The following NGLY1 variants were observed in gnomAD, a reference collection of about 807,000 sequenced individuals.
The protein encoded by NGLY1 is N-glycanase 1.
In NGLY1, 68 loss-of-function variants were observed where a neutral mutation model predicts 84.6. The observed-to-expected ratio is 0.80, with a 90% CI of 0.66 to 0.98. The LOEUF (loss-of-function observed/expected upper bound fraction) is 0.98. NGLY1 is among the 50% of genes least tolerant of loss of function. The pLI is 0.00. For synonymous variants in NGLY1, 280 were observed against 275.2 expected (o/e 1.02, Z -0.17); for missense variants, 779 against 770.2 (o/e 1.01, Z -0.14).
Position 25,764,104 on chromosome 3 carries a change from G to C in NGLY1, c.454C>G (p.Arg152Gly). Residue 152 changes from arginine to glycine, a missense_variant, in exon 3 of 12, where the codon CGT (arginine) becomes GGT (glycine). Coordinates refer to ENST00000280700, the MANE Select transcript of NGLY1 (RefSeq NM_018297.4). ...PSGLNQHTRN[R>G]QGQSSDPPSA... ...GGTGGATCTGATGACTGCCCTTGAC[G>C]GTTCCTTGTGTGCTGGTTTAACCCA... 6.2e-7 allele frequency: 1 copy of C among 1,614,144 alleles called. No homozygotes were observed. The highest frequency in any genetic ancestry group is 8.5e-7 in the Non-Finnish European group (1 of 1,180,036).
chr3:25,723,800 T>C (rs1198236455), intron 10 of NGLY1, among the ~76,000 whole-genome samples: 1 of 152,216 alleles, frequency 6.6e-6, no homozygotes, highest in African/African-American at 2.4e-5. Flanking sequence ...GGTTTTGTAA[T>C]GTGTAGGTCT....
chr3:25,736,254 T>C (rs1705814968), intron 6 of NGLY1, 105 bp from the exon 7 acceptor site: 2 of 1,552,274 alleles, frequency 1.3e-6, no homozygotes, highest in East Asian at 2.4e-5. Flanking sequence ...TAATGCATAA[T>C]ATTCTGAATT....
upstream of NGLY1, among the ~76,000 whole-genome samples, chr3:25,786,820 A>G (rs1229267287): frequency 6.6e-6 from 1 of 152,254 alleles, no homozygotes; most frequent in Admixed American, 6.5e-5. Flanking sequence ...TTTTCGCAAA[A>G]GTCATTTGGT....
Position 25,719,470 on chromosome 3 carries a change from C to G in NGLY1, c.1955G>C (p.Ser652Thr). 1 of 1,613,342 alleles carries G rather than the reference C, an allele frequency of 6.2e-7. No individual in the cohort carries two copies. The highest frequency in any genetic ancestry group is 8.5e-7 in the Non-Finnish European group (1 of 1,179,482). The change falls in exon 12 of 12, where the codon AGT becomes ACT. Residue 652 changes from serine (S) to threonine (T), a missense_variant. By Grantham distance (58) the Ser-to-Thr change is moderately conservative (BLOSUM62 1). Coordinates refer to ENST00000280700, the MANE Select transcript of NGLY1 (RefSeq NM_018297.4). ...ENCLEIIIKF[S>T]DL is the part of the protein sequence containing the mutation. ...ATAATGTTCAGGTTCTCAAAGGTCACTGAATTTTATAATTATCTCCAAACA... is the reference window on the plus strand; with the variant it reads ...ATAATGTTCAGGTTCTCAAAGGTCAGTGAATTTTATAATTATCTCCAAACA...
In NGLY1 at chr3:25,783,095, C is replaced by T; in HGVS notation, c.131+165G>A. 1.6e-6 allele frequency: 1 copy of T among 620,102 alleles called. No homozygotes were observed. Among genetic ancestry groups the T allele is most frequent in the Non-Finnish European group, 2.7e-6 (1 of 369,306 alleles). 38.4% of individuals were successfully genotyped at this position (620,102 alleles called of 1,614,324 possible). ...GGGACTTGGCCGGGTCCCGAGGCCC[C>T]TGGCCGGCGGGCTCGGACGTTAGGA... On this transcript the variant is annotated intron_variant, in intron 1 of 11. Transcript: ENST00000280700. This position sits in a 1 kb window ranked among gnomAD's most constrained non-coding sequence, Gnocchi z 4.5.
chr3:25,725,365 A>C (rs1481970196), intron 10 of NGLY1, among the ~76,000 whole-genome samples: 2 of 152,214 alleles, frequency 1.3e-5, no homozygotes, highest in South Asian at 2.1e-4. Flanking sequence ...TGCCCTGTGC[A>C]TCTCTTCATC....
In NGLY1 at chr3:25,788,699, G is replaced by T. The variant is rs537832315; in HGVS notation, c.5+1162C>A. On this transcript the variant is annotated intron_variant, in intron 1 of 11. Transcript: ENST00000417874. ...ATTATTTTAAAGACAGCAATGAAAA[G>T]AGATCAAGTTTAGGTACTTACTCAT... 3.3e-5 allele frequency among the ~76,000 whole-genome samples: 5 copies of T among 152,326 alleles called. No homozygotes were observed. The South Asian group carries it at 1.0e-3, about 32-fold the overall frequency.
intron 4 of NGLY1, among the ~76,000 whole-genome samples, chr3:25,745,929 C>T (rs1449589309): frequency 1.3e-5 from 2 of 152,194 alleles, no homozygotes; most frequent in African/African-American, 2.4e-5. Flanking sequence ...ATTATAGTCA[C>T]AATATAACAT....
intron 3 of NGLY1, 61 bp from the exon 4 acceptor site, chr3:25,751,324 A>T: frequency 7.5e-7 from 1 of 1,330,364 alleles, no homozygotes. Context: ...AATAATATAT[A>T]ATAAAAAAAC....
At chr3:25,743,571 A>AGTGT (rs3080320) in intron 4 of NGLY1, among the ~76,000 whole-genome samples, 7,501 of 151,236 alleles carry the variant, frequency 0.05, 220 homozygotes, top group Admixed American at 0.086. Context: ...ACTTTTCACT[A>AGTGT]GTGTGTGTGT....
chr3:25,759,932 A>G (rs752519340), intron 3 of NGLY1, among the ~76,000 whole-genome samples: 24 of 151,804 alleles, frequency 1.6e-4, no homozygotes, highest in Admixed American at 5.2e-4. Flanking sequence ...ACACACACAC[A>G]CACACACACA....
Position 25,719,752 on chromosome 3 carries a change from A to C in NGLY1, c.1790-117T>G, listed in dbSNP as rs920203919. 3.8e-6 allele frequency: 3 copies of C among 797,526 alleles called. No individual in the cohort carries two copies. The African/African-American group carries it at 5.2e-5, about 14-fold the overall frequency. 49.4% of individuals were successfully genotyped at this position (797,526 alleles called of 1,614,324 possible). A position where few individuals can be genotyped will look rare whatever the true frequency, so the allele number is the denominator to read the frequency against. Reference sequence around the variant, plus strand: ...TAAGTTAAAATAAACCCTTAAAAATAAATACAAATTATTCTTTATGGAAGA... The same window carrying C: ...TAAGTTAAAATAAACCCTTAAAAATCAATACAAATTATTCTTTATGGAAGA... On this transcript the variant is annotated intron_variant, in intron 11 of 11. Transcript: ENST00000280700.
At chr3:25,773,778 T>C (rs912250903) in intron 2 of NGLY1, among the ~76,000 whole-genome samples, 4 of 152,194 alleles carry the variant, frequency 2.6e-5, no homozygotes, top group Admixed American at 2.6e-4. Context: ...GCTCAAGGGC[T>C]GCTGTTCAGA....
chr3:25,768,618 C>T (rs1392239569), intron 2 of NGLY1, among the ~76,000 whole-genome samples: 2 of 141,348 alleles, frequency 1.4e-5, no homozygotes, highest in Admixed American at 1.5e-4. Flanking sequence ...GGCTGGAGCA[C>T]AGTGGTGCGA....
chr3:25,750,968 A>G, intron 4 of NGLY1, 130 bp downstream of exon 4: 1 of 885,920 alleles, frequency 1.1e-6, no homozygotes, highest in South Asian at 2.0e-5. Flanking sequence ...TTTGGTTTAA[A>G]AGAATCCACA....
At position 25,727,140 on chromosome 3, in the gene NGLY1, A is replaced by C. The variant is rs141370734; in HGVS notation, c.1611+1993T>G. ...AATACTGATTTAGATGGAATACTTA[A>C]GTTATAACGACAATTGTTACTTCCG... On this transcript the variant is annotated intron_variant, in intron 10 of 11. Coordinates refer to ENST00000280700, the MANE Select transcript of NGLY1 (RefSeq NM_018297.4). 3.7e-3 allele frequency among the ~76,000 whole-genome samples: 571 copies of C among 152,288 alleles called. 2 individuals carry two copies. The highest frequency in any genetic ancestry group is 0.013 in the African/African-American group (537 of 41,564).
chr3:25,788,895 G>A (rs1708659703), intron 1 of NGLY1, among the ~76,000 whole-genome samples: 1 of 152,156 alleles, frequency 6.6e-6, no homozygotes, highest in Admixed American at 6.5e-5. Flanking sequence ...TTAAATCCAG[G>A]ACCAACCTGG....
intron 4 of NGLY1, among the ~76,000 whole-genome samples, chr3:25,740,290 G>A (rs1706064358): frequency 2.0e-5 from 3 of 152,066 alleles, no homozygotes; most frequent in Admixed American, 2.0e-4. Flanking sequence ...GGCTTCAACT[G>A]TACAATATAA....
rs1485205247 is a variant in NGLY1 at position 25,739,704 on chromosome 3, T to C, written c.754A>G (p.Lys252Glu). The change falls in exon 5 of 12, where the codon AAA becomes GAA. Residue 252 changes from lysine to glutamate, a missense_variant. Lys to Glu is a moderately conservative substitution (Grantham distance 56). Coordinates refer to ENST00000280700, the MANE Select transcript of NGLY1 (RefSeq NM_018297.4). Reference protein sequence around the residue: ...FHWVNNVLCSKCGGQTRSRDR... With the variant: ...FHWVNNVLCSECGGQTRSRDR... ...CTAGACCTAGTCTGTCCACCACATT[T>C]GCTGCACAAAACGTTATTCACCCAG... The C allele has an allele frequency of 6.2e-7, 1 of 1,614,100 alleles. No homozygotes were observed. Among genetic ancestry groups the C allele is most frequent in the Non-Finnish European group, 8.5e-7 (1 of 1,180,004 alleles).
Sources: allele counts gnomAD v4.1 joint callset (sites outside exome capture counted in the v4.1 genomes callset), GRCh38; gene constraint gnomAD v4.1.1; non-coding constraint Gnocchi (gnomAD v3.1); transcripts MANE v1.5; gene names NCBI Gene and HGNC (gene_info 2026-07-23, HGNC 2026-07-21).